ADAM12: variants seen among roughly 807,000 people sequenced by gnomAD.
ADAM12 encodes disintegrin and metalloproteinase domain-containing protein 12.
In ADAM12, 70 loss-of-function variants were observed where a neutral mutation model predicts 106.4. The observed-to-expected ratio is 0.66, with a 90% confidence interval of 0.54 to 0.80. ADAM12 has a LOEUF of 0.80. ADAM12 is among the 30% of genes least tolerant of loss of function. The pLI is 0.00. For missense variants in ADAM12, 1,010 were observed against 1,171.9 expected (o/e 0.86, Z 2.02); for synonymous variants, 420 against 433.5 (o/e 0.97, Z 0.39).
intron 3 of ADAM12, among the ~76,000 whole-genome samples, chr10:126,209,996 C>G (rs116750961): frequency 6.6e-6 from 1 of 152,214 alleles, no homozygotes; most frequent in Non-Finnish European, 1.5e-5. Context: ...TGCAGACTCA[C>G]ATAACTACAT....
intron 1 of ADAM12, among the ~76,000 whole-genome samples, chr10:126,383,092 G>C (rs1856547648): frequency 6.6e-6 from 1 of 152,070 alleles, no homozygotes; most frequent in Non-Finnish European, 1.5e-5. Flanking sequence ...CTAAAGGTGT[G>C]TGACACCTTG....
In ADAM12 at chr10:126,220,218, A is replaced by G. The variant is rs560540886; in HGVS notation, c.260+58697T>C. 8.7e-4 allele frequency among the ~76,000 whole-genome samples: 133 copies of G among 152,350 alleles called. 1 individual carries two copies. Among genetic ancestry groups the G allele is most frequent in the African/African-American group, 3.0e-3 (125 of 41,584 alleles). On this transcript the variant is annotated intron_variant, in intron 3 of 22. Coordinates refer to ENST00000448723, the MANE Select transcript of ADAM12 (RefSeq NM_001288973.2). ...CTTAGTTAACTCTCTGAAGAGCTGG[A>G]TTCTTGATTCACGATAACAATAGTG... is the stretch of plus-strand genomic sequence containing the variant.
At chr10:126,224,224 G>A (rs529550126) in intron 3 of ADAM12, among the ~76,000 whole-genome samples, 4 of 152,240 alleles carry the variant, frequency 2.6e-5, no homozygotes, top group Admixed American at 1.3e-4. Context: ...CCCTGTCTCC[G>A]GGGTTAGAGC....
chr10:126,072,704 C>T (rs2133501846), intron 11 of ADAM12, among the ~76,000 whole-genome samples: 1 of 152,304 alleles, frequency 6.6e-6, no homozygotes, highest in East Asian at 1.9e-4. Context: ...CAGAGTGTCT[C>T]ACTTTTTACA....
intron 2 of ADAM12, among the ~76,000 whole-genome samples, chr10:126,313,635 C>G (rs1052349119): frequency 6.6e-6 from 1 of 152,182 alleles, no homozygotes; most frequent in Non-Finnish European, 1.5e-5. Context: ...ATCCAGCCAT[C>G]TATCCATCTG....
rs1410031575 is a variant in ADAM12 at position 126,019,832 on chromosome 10, T to A, written c.2530-7A>T. 1 of 1,611,838 alleles carries A rather than the reference T, an allele frequency of 6.2e-7. No individual in the cohort carries two copies. The highest frequency in any genetic ancestry group is 2.2e-5 in the East Asian group (1 of 44,748). On this transcript the variant is annotated splice_region_variant and splice_polypyrimidine_tract_variant and intron_variant, in intron 21 of 22. Coordinates refer to ENST00000448723, the MANE Select transcript of ADAM12 (RefSeq NM_001288973.2). ...GGTTTGGCTTACAGGTCCCCTGCAA[T>A]AAACATAGGGTTAGGCAGGGTCACT...
intron 21 of ADAM12, among the ~76,000 whole-genome samples, chr10:126,035,753 GAAATA>G (rs1954047870): frequency 6.6e-6 from 1 of 152,118 alleles, no homozygotes; most frequent in Non-Finnish European, 1.5e-5. Flanking sequence ...AAATAATTTT[GAAATA>G]AAATGATGAG....
chr10:126,266,350 G>A (rs12571942), intron 3 of ADAM12, among the ~76,000 whole-genome samples: 27,259 of 152,150 alleles, frequency 0.18, 2,509 homozygotes, highest in African/African-American at 0.22. Flanking sequence ...GACCTGGTCT[G>A]ACCATCAAAA....
chr10:126,167,470 C>G (rs113604557), intron 3 of ADAM12, among the ~76,000 whole-genome samples: 1,537 of 152,266 alleles, frequency 0.01, 27 homozygotes, highest in African/African-American at 0.035. Flanking sequence ...ATCTATTTCC[C>G]ACTTATTGCC....
At chr10:126,162,205 C>T (rs566500977) in intron 3 of ADAM12, among the ~76,000 whole-genome samples, 2 of 152,244 alleles carry the variant, frequency 1.3e-5, no homozygotes, top group Admixed American at 1.3e-4. Flanking sequence ...GAAAGGCTTC[C>T]AACCCAGAAG....
rs982357769 is a variant in ADAM12, at chr10:126,337,756, GT to G, written c.89-7248del. Among the ~76,000 whole-genome samples the G allele has an allele frequency of 4.6e-5, 7 of 152,022 alleles. No homozygotes were observed. In the East Asian group the frequency reaches 1.2e-3, roughly 25 times the overall value. The stretch of plus-strand genomic sequence containing the variant: ...ACATGGATCTCATTTGGTTTAGGTT[GT>G]TTTTTTTGTTTACTCCTTATCAGTC... On this transcript the variant is annotated intron_variant, in intron 1 of 22. Transcript: ENST00000448723.
At position 126,118,228 on chromosome 10, in the gene ADAM12, T is replaced by C; in HGVS notation, c.417-4A>G. On this transcript the variant is annotated splice_polypyrimidine_tract_variant and splice_region_variant and intron_variant, in intron 5 of 22. Coordinates refer to ENST00000448723, the MANE Select transcript of ADAM12 (RefSeq NM_001288973.2). ...ATTTTCAAACACAATAAGTCCCCTG[T>C]TGAAAAAGAAACAAGAAAAAATATA... The C allele has an allele frequency of 6.2e-7, 1 of 1,607,182 alleles. No individual in the cohort carries two copies. The highest frequency in any genetic ancestry group is 8.5e-7 in the Non-Finnish European group (1 of 1,175,548).
chr10:126,323,604 A>C (rs1854189660), intron 2 of ADAM12, among the ~76,000 whole-genome samples: 1 of 152,186 alleles, frequency 6.6e-6, no homozygotes, highest in South Asian at 2.1e-4. Flanking sequence ...CTCTGTGCCA[A>C]GCACTGCACC....
chr10:126,175,330 C>A (rs1957200567), intron 3 of ADAM12, among the ~76,000 whole-genome samples: 1 of 152,222 alleles, frequency 6.6e-6, no homozygotes, highest in Non-Finnish European at 1.5e-5. Flanking sequence ...CAATGGCCTG[C>A]CTGCTGGCGG....
In ADAM12 at chr10:126,016,259, A is replaced by G. The variant is rs185013960; in HGVS notation, c.*1020T>C. The G allele has an allele frequency of 1.2e-3, 180 of 152,328 alleles. No individual in the cohort carries two copies. Among genetic ancestry groups the G allele is most frequent in the African/African-American group, 4.2e-3 (173 of 41,568 alleles). The allele number at this position is 152,328 out of a possible 1,614,324, so 9.4% of individuals were successfully genotyped here. A position where few individuals can be genotyped will look rare whatever the true frequency, so the allele number is the denominator to read the frequency against. On this transcript the variant is annotated 3_prime_UTR_variant, in exon 23 of 23. Coordinates refer to ENST00000448723, the MANE Select transcript of ADAM12 (RefSeq NM_001288973.2). ...TTGTTAATAAGTTGAACCTTGCAGTAAACAGACTTGATTGACTAGATCTGG... is the reference window on the plus strand; with the variant it reads ...TTGTTAATAAGTTGAACCTTGCAGTGAACAGACTTGATTGACTAGATCTGG...
At chr10:126,130,659 C>G (rs1481869496) in intron 5 of ADAM12, among the ~76,000 whole-genome samples, 1 of 152,190 alleles carries the variant, frequency 6.6e-6, no homozygotes, top group Non-Finnish European at 1.5e-5. Context: ...AACTGGCAAC[C>G]CTGACAGTTG....
chr10:126,182,217 A>G (rs1957325230), intron 3 of ADAM12, among the ~76,000 whole-genome samples: 1 of 152,216 alleles, frequency 6.6e-6, no homozygotes, highest in Admixed American at 6.5e-5. Flanking sequence ...ATGAACATGT[A>G]GAGGGAGTAT....
chr10:126,109,633 C>G, intron 7 of ADAM12, 142 bp downstream of exon 7: 5 of 613,992 alleles, frequency 8.1e-6, no homozygotes, highest in Non-Finnish European at 5.4e-6. Flanking sequence ...ATCAGAAAAC[C>G]ATTGTTTCAA....
At chr10:126,237,020 T>C (rs1958431182) in intron 3 of ADAM12, among the ~76,000 whole-genome samples, 1 of 152,086 alleles carries the variant, frequency 6.6e-6, no homozygotes, top group Non-Finnish European at 1.5e-5. Context: ...ACAACATCAG[T>C]GATAATGCTC....
Sources: allele counts gnomAD v4.1 joint callset (sites outside exome capture counted in the v4.1 genomes callset), GRCh38; gene constraint gnomAD v4.1.1; transcripts MANE v1.5; gene names NCBI Gene and HGNC (gene_info 2026-07-23, HGNC 2026-07-21).